The following MKX variants were observed in gnomAD, a reference collection of about 807,000 sequenced individuals.
The protein encoded by MKX is mohawk homeobox.
Under a neutral mutation model 36.0 loss-of-function variants are expected in MKX, and 13 were observed. The ratio of observed to expected loss-of-function variants is 0.36; its 90% CI spans 0.24 to 0.57. The LOEUF is 0.57. Ranked by LOEUF, MKX falls within the 20% of genes least tolerant of loss-of-function variation. MKX has a pLI of 0.79. For synonymous variants in MKX, 176 were observed against 178.3 expected, an observed-to-expected ratio of 0.99 and a Z score of 0.10; for missense variants, 458 against 456.4, an observed-to-expected ratio of 1.00 and a Z score of -0.03.
At chr10:27,688,013 G>A (rs549309786) in intron 5 of MKX, among the ~76,000 whole-genome samples, 1 of 152,152 alleles carries the variant, frequency 6.6e-6, no homozygotes, top group Admixed American at 6.5e-5. Flanking sequence ...TAGCATCAGC[G>A]TGCCAAGCTG....
At chr10:27,734,212 A>G in intron 5 of MKX, among the ~76,000 whole-genome samples, 1 of 152,242 alleles carries the variant, frequency 6.6e-6, no homozygotes, top group Middle Eastern at 3.4e-3. Flanking sequence ...AAATTAAAAA[A>G]TATAAAAAGA....
chr10:27,709,765 C>A (rs1316365761), intron 5 of MKX, among the ~76,000 whole-genome samples: 4 of 152,082 alleles, frequency 2.6e-5, no homozygotes, highest in African/African-American at 9.7e-5. Context: ...AAATTTCCTC[C>A]CACCACCACC....
At chr10:27,736,915 C>T (rs1251990578) in intron 3 of MKX, among the ~76,000 whole-genome samples, 2 of 152,128 alleles carry the variant, frequency 1.3e-5, no homozygotes, top group Non-Finnish European at 2.9e-5. Flanking sequence ...AATGCTTCTT[C>T]CTGCTAAGCT....
intron 5 of MKX, among the ~76,000 whole-genome samples, chr10:27,716,746 C>T (rs1301492509): frequency 2.0e-5 from 3 of 152,086 alleles, no homozygotes; most frequent in East Asian, 1.9e-4. Flanking sequence ...TGTGGTTGTA[C>T]GGGCCAAACC....
intron 5 of MKX, among the ~76,000 whole-genome samples, chr10:27,726,051 C>T (rs1258180962): frequency 6.6e-6 from 1 of 152,058 alleles, no homozygotes; most frequent in South Asian, 2.1e-4. Flanking sequence ...GAAGCTGCCC[C>T]GGGATGTGAC....
At chr10:27,727,591 T>G (rs1007883420) in intron 5 of MKX, among the ~76,000 whole-genome samples, 2 of 152,254 alleles carry the variant, frequency 1.3e-5, no homozygotes, top group Non-Finnish European at 2.9e-5. Context: ...CGAATAGTGC[T>G]TAAGTTTTTA....
chr10:27,681,925 A>G (rs560452717), intron 5 of MKX, among the ~76,000 whole-genome samples: 10 of 105,504 alleles, frequency 9.5e-5, no homozygotes, highest in South Asian at 7.4e-4. Context: ...ACGTCTCAAG[A>G]AAAAAAAAAA....
intron 5 of MKX, among the ~76,000 whole-genome samples, chr10:27,691,178 A>G (rs1450395870): frequency 6.6e-6 from 1 of 152,022 alleles, no homozygotes; most frequent in African/African-American, 2.4e-5. Flanking sequence ...CCTCTTACTT[A>G]TTTTCTTAGG....
chr10:27,729,124 C>G (rs1408795705), intron 5 of MKX, among the ~76,000 whole-genome samples: 2 of 152,228 alleles, frequency 1.3e-5, no homozygotes, highest in Non-Finnish European at 2.9e-5. Context: ...ACACTCCTAT[C>G]TGCCTAGATG....
rs1036811500 is a variant in MKX, at chr10:27,703,393, C to T, written c.839-27839G>A. 1.3e-4 allele frequency among the ~76,000 whole-genome samples: 9 copies of T among 68,784 alleles called. No homozygotes were observed. The South Asian group carries it at 3.2e-3, about 25-fold the overall frequency. The allele number at this position is 68,784 out of a possible 152,430, so 45.1% of individuals were successfully genotyped here. ...CAGAGAGAAAAATTGGAACCCAGGT[C>T]CTCAAAGTCTAAAACCATAATATGA... On this transcript the variant is annotated intron_variant, in intron 5 of 6. Coordinates refer to ENST00000419761, the MANE Select transcript of MKX (RefSeq NM_173576.3).
chr10:27,677,443 C>T (rs4405205), intron 5 of MKX, among the ~76,000 whole-genome samples: 39,454 of 152,044 alleles, frequency 0.26, 6,249 homozygotes, highest in African/African-American at 0.45. Flanking sequence ...AGAAGAATAA[C>T]GTCAACATGA....
At chr10:27,717,946 C>T (rs575985674) in intron 5 of MKX, among the ~76,000 whole-genome samples, 2 of 152,328 alleles carry the variant, frequency 1.3e-5, no homozygotes, top group Admixed American at 1.3e-4. Flanking sequence ...GCTTGCTGCT[C>T]TTGGAAAGAT....
At chr10:27,731,074 C>T (rs1179299926) in intron 5 of MKX, among the ~76,000 whole-genome samples, 1 of 141,866 alleles carries the variant, frequency 7.0e-6, no homozygotes, top group Non-Finnish European at 1.5e-5. Flanking sequence ...GTGGAGGTTG[C>T]AGTGAACCGA....
chr10:27,675,218 G>T lies in MKX; in HGVS notation c.*11C>A. 2 of 1,610,654 alleles carry T rather than the reference G, an allele frequency of 1.2e-6. No individual in the cohort carries two copies. The highest frequency in any genetic ancestry group is 1.7e-6 in the Non-Finnish European group (2 of 1,177,974). ...AAAGAACATCCATTGGATCTGAAAA[G>T]CAACAAGCTCTTAAAACTGCTGCAC... On this transcript the variant is annotated 3_prime_UTR_variant, in exon 7 of 7. Coordinates refer to ENST00000419761, the MANE Select transcript of MKX (RefSeq NM_173576.3).
At chr10:27,686,394 A>AAAGGAAGGAAGGAAGGAAGG (rs199641003) in intron 5 of MKX, among the ~76,000 whole-genome samples, 2 of 122,932 alleles carry the variant, frequency 1.6e-5, no homozygotes, top group African/African-American at 3.8e-5. Context: ...AAGGGAAGGG[A>AAAGGAAGGAAGGAAGGAAGG]AAGGAAGGAA....
rs750137844 is a variant in MKX at position 27,741,447 on chromosome 10, C to T, written c.246G>A (p.Ala82=). The part of the protein sequence containing the change: ...RHKRQALQDM[A]RPLKQWLYKH... Reference sequence around the variant, plus strand: ...TGTAAAGCCACTGCTTGAGGGGTCGCGCCATGTCTTGCAGGGCCTGCCGCT... The same window carrying T: ...TGTAAAGCCACTGCTTGAGGGGTCGTGCCATGTCTTGCAGGGCCTGCCGCT... The change falls in exon 3 of 7, where the codon GCG becomes GCA. Residue 82 remains alanine, a synonymous_variant. Coordinates refer to ENST00000419761, the MANE Select transcript of MKX (RefSeq NM_173576.3). The surrounding 1 kb of genome is among the most constrained non-coding windows in gnomAD (Gnocchi z 5.1). 5 of 1,611,486 alleles carry T rather than the reference C, an allele frequency of 3.1e-6. No homozygotes were observed. The highest frequency in any genetic ancestry group is 4.2e-6 in the Non-Finnish European group (5 of 1,179,114).
At chr10:27,679,246 T>G (rs1234588964) in intron 5 of MKX, among the ~76,000 whole-genome samples, 4 of 152,166 alleles carry the variant, frequency 2.6e-5, no homozygotes, top group African/African-American at 9.7e-5. Flanking sequence ...GTTGTGCACA[T>G]GTACCCTAGA....
At chr10:27,743,176 C>A in intron 2 of MKX, 52 bp downstream of exon 2, 1 of 1,398,866 alleles carries the variant, frequency 7.1e-7, no homozygotes, top group Non-Finnish European at 9.3e-7. Context: ...AGCTCACCAC[C>A]CCCACCCCTC....
intron 5 of MKX, among the ~76,000 whole-genome samples, chr10:27,703,862 T>C (rs1836705851): frequency 1.3e-5 from 2 of 152,060 alleles, no homozygotes; most frequent in Admixed American, 1.3e-4. Context: ...ATTGTACCAT[T>C]GCCCTCCAGC....
Sources: allele counts gnomAD v4.1 joint callset (sites outside exome capture counted in the v4.1 genomes callset), GRCh38; gene constraint gnomAD v4.1.1; non-coding constraint Gnocchi (gnomAD v3.1); transcripts MANE v1.5; gene names NCBI Gene and HGNC (gene_info 2026-07-23, HGNC 2026-07-21).